Variants in PKD1L3 observed in about 807,000 individuals in gnomAD.
The protein encoded by PKD1L3 is polycystin 1 like 3, transient receptor potential channel interacting.
In PKD1L3, 239 loss-of-function variants were observed where a neutral mutation model predicts 184.1. The observed-to-expected ratio is 1.30, with a 90% confidence interval of 1.17 to 1.45. The LOEUF (loss-of-function observed/expected upper bound fraction) is 1.45. Ranked by LOEUF, PKD1L3 falls within the 40% of genes most tolerant of loss-of-function variation. The pLI is 0.00. For missense variants in PKD1L3, 2,660 were observed against 2,067.2 expected (o/e 1.29, Z -5.56); for synonymous variants, 996 against 778.8 (o/e 1.28, Z -4.64).
rs1302926129 is a variant in PKD1L3 at position 71,953,054 on chromosome 16, C to A, written c.2849G>T (p.Ser950Ile). 6.5e-7 allele frequency: 1 copy of A among 1,536,272 alleles called. No individual in the cohort carries two copies. Among genetic ancestry groups the A allele is most frequent in the East Asian group, 2.5e-5 (1 of 39,884 alleles). The change falls in exon 18 of 30, where the codon AGC becomes ATC. Residue 950 changes from serine (S) to isoleucine (I), a missense_variant. Ser to Ile is a moderately radical substitution (Grantham distance 142). Coordinates refer to ENST00000620267, the MANE Select transcript of PKD1L3 (RefSeq NM_181536.2). ...GAAGAGGATGACAGCAGTATGGATG[C>A]TGACCAGCAGTTCAGACCAGGCCAC... ...FAVAWSELLV[S>I]IHTAVILFPI...
At chr16:71,996,620 C>G (rs932298661) in intron 2 of PKD1L3, among the ~76,000 whole-genome samples, 2 of 152,172 alleles carry the variant, frequency 1.3e-5, no homozygotes, top group East Asian at 3.9e-4. Flanking sequence ...TCTTAGACCC[C>G]GACAACCACT....
chr16:71,983,399 A>G (rs6499556), intron 6 of PKD1L3, among the ~76,000 whole-genome samples: 115,929 of 151,988 alleles, frequency 0.76, 44,457 homozygotes, highest in South Asian at 0.86. Flanking sequence ...CGCCTGATTC[A>G]GCCTCCCAAA....
chr16:71,999,029 T>C (rs1487942802), intron 1 of PKD1L3, among the ~76,000 whole-genome samples: 3 of 152,038 alleles, frequency 2.0e-5, no homozygotes, highest in African/African-American at 7.2e-5. Flanking sequence ...CCCAGCACTT[T>C]TGGAGGCCGA....
chr16:71,996,540 A>G (rs7202724), intron 2 of PKD1L3, among the ~76,000 whole-genome samples: 47,577 of 151,942 alleles, frequency 0.31, 8,545 homozygotes, highest in East Asian at 0.53. Flanking sequence ...GATTACAGGC[A>G]TGAGCCACTG....
chr16:71,958,545 C>A (rs1227425903), intron 16 of PKD1L3, among the ~76,000 whole-genome samples: 2 of 151,610 alleles, frequency 1.3e-5, no homozygotes, highest in East Asian at 3.9e-4. Flanking sequence ...TTTGGGAGGC[C>A]GAGGTGAGTG....
chr16:71,946,215 A>G (rs945969812), intron 22 of PKD1L3, among the ~76,000 whole-genome samples: 9 of 152,142 alleles, frequency 5.9e-5, no homozygotes, highest in Non-Finnish European at 1.0e-4. Flanking sequence ...AAGTTTTTTC[A>G]TCTCACAAGG....
intron 2 of PKD1L3, among the ~76,000 whole-genome samples, chr16:71,997,315 G>A (rs145634319): frequency 1.1e-3 from 172 of 151,914 alleles, no homozygotes; most frequent in African/African-American, 3.6e-3. Flanking sequence ...GGCCGGGCAC[G>A]GTGGCTCATT....
chr16:71,954,484 G>A (rs11639843), intron 16 of PKD1L3, among the ~76,000 whole-genome samples, 183 bp from the exon 17 acceptor site: 37,634 of 151,952 alleles, frequency 0.25, 4,854 homozygotes, highest in Non-Finnish European at 0.27. Flanking sequence ...ACCATCACCC[G>A]AATGTGTCCA....
intron 2 of PKD1L3, among the ~76,000 whole-genome samples, chr16:71,996,318 G>C (rs1481546401): frequency 1.4e-5 from 2 of 140,638 alleles, no homozygotes; most frequent in African/African-American, 2.7e-5. Flanking sequence ...CTAGAGTGCA[G>C]TGGCGCAATC....
At chr16:71,932,128 G>A (rs904835047) in intron 28 of PKD1L3, among the ~76,000 whole-genome samples, 2 of 152,204 alleles carry the variant, frequency 1.3e-5, no homozygotes, top group Non-Finnish European at 2.9e-5. Context: ...ATCTGTGGAT[G>A]CAGACCCTGC....
intron 16 of PKD1L3, among the ~76,000 whole-genome samples, chr16:71,955,576 T>G (rs1320573718): frequency 6.6e-6 from 1 of 152,000 alleles, no homozygotes; most frequent in Non-Finnish European, 1.5e-5. Context: ...CATTGCAACC[T>G]CCATCCCCCT....
chr16:71,983,348 T>A (rs1280089100), intron 6 of PKD1L3, among the ~76,000 whole-genome samples: 2 of 152,134 alleles, frequency 1.3e-5, no homozygotes, highest in Non-Finnish European at 2.9e-5. Context: ...GGTTTCACCA[T>A]GTTGCCCAGG....
intron 13 of PKD1L3, among the ~76,000 whole-genome samples, chr16:71,968,219 A>G (rs1251615475): frequency 2.0e-5 from 3 of 152,156 alleles, no homozygotes; most frequent in Non-Finnish European, 4.4e-5. Flanking sequence ...TGTGCCTCTC[A>G]AGTGAAACAG....
intron 21 of PKD1L3, 76 bp from the exon 22 acceptor site, chr16:71,947,667 G>A: frequency 1.0e-6 from 1 of 961,478 alleles, no homozygotes. Flanking sequence ...TAAAGGAAGA[G>A]GTGGGCACTC....
intron 15 of PKD1L3, among the ~76,000 whole-genome samples, chr16:71,964,822 T>A (rs2039435235): frequency 6.6e-6 from 1 of 151,332 alleles, no homozygotes; most frequent in South Asian, 2.1e-4. Context: ...GTGTGTGGAA[T>A]CATATGCTCT....
chr16:71,978,495 GTATATATATATATA>G (rs4045545), intron 9 of PKD1L3, 112 bp from the exon 10 acceptor site: 6 of 145,756 alleles, frequency 4.1e-5, no homozygotes, highest in African/African-American at 7.6e-5. Context: ...GTGTGTGTGT[GTATATATATATATA>G]TATATATATA....
intron 1 of PKD1L3, among the ~76,000 whole-genome samples, chr16:71,999,258 G>A (rs1479445199): frequency 1.1e-4 from 15 of 140,566 alleles, no homozygotes; most frequent in Admixed American, 4.8e-4. Flanking sequence ...GCGACAGAGC[G>A]AGACTCCATC....
intron 5 of PKD1L3, among the ~76,000 whole-genome samples, chr16:71,984,715 C>T (rs1252022260): frequency 6.6e-6 from 1 of 152,044 alleles, no homozygotes; most frequent in Non-Finnish European, 1.5e-5. Context: ...AAAAATTAAC[C>T]AGGCTTGGTG....
At chr16:71,943,981 T>C in intron 23 of PKD1L3, 49 bp downstream of exon 23, 1 of 1,498,358 alleles carries the variant, frequency 6.7e-7, no homozygotes, top group Non-Finnish European at 9.0e-7. Context: ...TCCTTTCCCT[T>C]CTGGAAAAGG....
Sources: allele counts gnomAD v4.1 joint callset (sites outside exome capture counted in the v4.1 genomes callset), GRCh38; gene constraint gnomAD v4.1.1; transcripts MANE v1.5; gene names NCBI Gene and HGNC (gene_info 2026-07-23, HGNC 2026-07-21).